Variants in PKD1L1 observed in about 807,000 individuals in gnomAD.
The protein encoded by PKD1L1 is polycystin 1 like 1, transient receptor potential channel interacting, also known as polycystin-1-like protein 1.
In PKD1L1, 236 loss-of-function variants were observed where a neutral mutation model predicts 323.4. That is an observed-to-expected ratio of 0.73 (90% CI 0.66 to 0.81). The LOEUF (loss-of-function observed/expected upper bound fraction) is 0.81. Among genes scored for constraint, PKD1L1 ranks in the 40% least tolerant of loss-of-function variants. PKD1L1 has a pLI of 0.00. For missense variants in PKD1L1, 3,320 were observed against 3,508.0 expected, an observed-to-expected ratio of 0.95 and a Z score of 1.35; for synonymous variants, 1,344 against 1,335.0, an observed-to-expected ratio of 1.01 and a Z score of -0.15.
intron 24 of PKD1L1, among the ~76,000 whole-genome samples, chr7:47,873,685 GTAGCTTTA>G (rs1347565824): frequency 6.9e-6 from 1 of 145,206 alleles, no homozygotes; most frequent in Admixed American, 6.9e-5. Flanking sequence ...GGAGAAGAAA[GTAGCTTTA>G]TAGGCTCTGA....
chr7:47,836,901 G>A lies in PKD1L1; in HGVS notation c.5943+20C>T, dbSNP rs142548237. On this transcript the variant is annotated intron_variant, in intron 37 of 56. Coordinates refer to ENST00000289672, the MANE Select transcript of PKD1L1 (RefSeq NM_138295.5). ...TAGTCGGATCTGGAAGCTGCTATAA[G>A]GAAAAGCGATGGCTCTCACCTGCTC... 230 of 1,609,096 alleles carry A rather than the reference G, an allele frequency of 1.4e-4. 2 individuals carry two copies. The East Asian group carries it at 4.6e-3, about 32-fold the overall frequency.
intron 33 of PKD1L1, among the ~76,000 whole-genome samples, chr7:47,843,417 T>C (rs1787441929): frequency 6.6e-6 from 1 of 152,188 alleles, no homozygotes; most frequent in Non-Finnish European, 1.5e-5. Context: ...CCAGCCTCTG[T>C]GCTAGGTGGC....
intron 48 of PKD1L1, 38 bp from the exon 49 acceptor site, chr7:47,813,331 A>C: frequency 6.2e-7 from 1 of 1,609,450 alleles, no homozygotes; most frequent in Non-Finnish European, 8.5e-7. Flanking sequence ...CACAGATACT[A>C]TTCCCAAGGC....
At chr7:47,777,176 G>A (rs1307243728) in intron 56 of PKD1L1, among the ~76,000 whole-genome samples, 1 of 152,208 alleles carries the variant, frequency 6.6e-6, no homozygotes, top group Non-Finnish European at 1.5e-5. Context: ...ACAGGCGCGA[G>A]CCACCACACC....
chr7:47,941,986 A>T (rs1020186826), intron 2 of PKD1L1, among the ~76,000 whole-genome samples: 2 of 152,204 alleles, frequency 1.3e-5, no homozygotes, highest in Non-Finnish European at 2.9e-5. Flanking sequence ...TTGAATAAAC[A>T]TGGAAACTGA....
intron 53 of PKD1L1, among the ~76,000 whole-genome samples, chr7:47,801,152 T>C (rs1784653338): frequency 6.6e-6 from 1 of 151,150 alleles, no homozygotes; most frequent in African/African-American, 2.4e-5. Flanking sequence ...CCCTCTCCTC[T>C]CCTCAGCTGC....
At chr7:47,811,060 C>A (rs1427066731) in intron 50 of PKD1L1, among the ~76,000 whole-genome samples, 1 of 152,136 alleles carries the variant, frequency 6.6e-6, no homozygotes, top group African/African-American at 2.4e-5. Context: ...AGGCGGCCAT[C>A]TCCCAGGACT....
intron 5 of PKD1L1, 56 bp downstream of exon 5, chr7:47,931,880 C>T: frequency 6.4e-7 from 1 of 1,574,012 alleles, no homozygotes; most frequent in Non-Finnish European, 8.6e-7. Flanking sequence ...CCATATGCAT[C>T]AGATGCTCAC....
chr7:47,880,902 G>C, intron 20 of PKD1L1, 97 bp from the exon 21 acceptor site: 2 of 887,024 alleles, frequency 2.3e-6, no homozygotes, highest in South Asian at 1.8e-5. Flanking sequence ...TCTTCCCCCA[G>C]GGGTGAAATT....
intron 26 of PKD1L1, among the ~76,000 whole-genome samples, chr7:47,862,847 T>C (rs1290998008): frequency 2.6e-5 from 4 of 152,104 alleles, no homozygotes; most frequent in Admixed American, 2.0e-4. Flanking sequence ...GTGCATAAGA[T>C]GTTTAGCTTC....
intron 31 of PKD1L1, among the ~76,000 whole-genome samples, chr7:47,849,227 A>G (rs957162476): frequency 6.6e-6 from 1 of 152,244 alleles, no homozygotes. Flanking sequence ...TAAATCTAAG[A>G]CTTGAAGCTG....
chr7:47,932,598 T>G (rs908703519), intron 4 of PKD1L1, among the ~76,000 whole-genome samples: 1 of 152,124 alleles, frequency 6.6e-6, no homozygotes, highest in Non-Finnish European at 1.5e-5. Flanking sequence ...CATAGGACCC[T>G]GTTTTCAGCT....
chr7:47,811,913 G>T lies in PKD1L1; in HGVS notation c.7485C>A (p.Ile2495=). Residue 2495 remains isoleucine, a synonymous_variant, in exon 50 of 57, where the codon ATC becomes ATA. Transcript: ENST00000289672. The part of the protein sequence containing the change: ...LFTSVSLRVE[I]LPTGSLVPSS... ...AGGGGACGAGACTCCCCGTAGGGAGGATCTCCACTCTCAGGGACACGCTGG... is the reference window on the plus strand; with the variant it reads ...AGGGGACGAGACTCCCCGTAGGGAGTATCTCCACTCTCAGGGACACGCTGG... 6.2e-7 allele frequency: 1 copy of T among 1,610,122 alleles called. No individual in the cohort carries two copies. The highest frequency in any genetic ancestry group is 8.5e-7 in the Non-Finnish European group (1 of 1,178,434).
In PKD1L1 at chr7:47,877,183, G is replaced by A. The variant is rs75960599; in HGVS notation, c.3663+306C>T. On this transcript the variant is annotated intron_variant, in intron 22 of 56. Coordinates refer to ENST00000289672, the MANE Select transcript of PKD1L1 (RefSeq NM_138295.5). ...GGGTCACGTGCCTGCCTTTTTCTTGGGGGCAGCATTAACGGAGGCCCCTGT... is the reference window on the plus strand; with the variant it reads ...GGGTCACGTGCCTGCCTTTTTCTTGAGGGCAGCATTAACGGAGGCCCCTGT... 3.1e-4 allele frequency among the ~76,000 whole-genome samples: 47 copies of A among 152,200 alleles called. No homozygotes were observed. The East Asian group carries it at 8.3e-3, about 27-fold the overall frequency.
In PKD1L1 at chr7:47,863,550, G is replaced by A. The variant is rs72601616; in HGVS notation, c.4149+1666C>T. Among the ~76,000 whole-genome samples, 14 of 152,014 alleles carry A rather than the reference G, an allele frequency of 9.2e-5. No individual in the cohort carries two copies. In the East Asian group the frequency reaches 1.9e-3, roughly 21 times the overall value. On this transcript the variant is annotated intron_variant, in intron 26 of 56. Coordinates refer to ENST00000289672, the MANE Select transcript of PKD1L1 (RefSeq NM_138295.5). ...ACAAGGCCAACCAAGAAATCATGTC[G>A]TGAAGCCTAGAGAAGAGCGTGTCCC...
At chr7:47,807,115 C>G (rs1454345133) in intron 52 of PKD1L1, among the ~76,000 whole-genome samples, 1 of 152,118 alleles carries the variant, frequency 6.6e-6, no homozygotes, top group Non-Finnish European at 1.5e-5. Context: ...CTGTGAGTGA[C>G]AGTTGCTTTG....
intron 56 of PKD1L1, among the ~76,000 whole-genome samples, chr7:47,783,042 G>A (rs1562928056): frequency 6.6e-6 from 1 of 152,146 alleles, no homozygotes; most frequent in Non-Finnish European, 1.5e-5. Context: ...TACCTGAGGA[G>A]GAGGCAACAG....
At position 47,908,252 on chromosome 7, in the gene PKD1L1, T is replaced by C. The variant is rs1387916101; in HGVS notation, c.1229-2A>G. 4.3e-6 allele frequency: 7 copies of C among 1,609,996 alleles called. No homozygotes were observed. In the Admixed American group the frequency reaches 6.7e-5, roughly 16 times the overall value. On this transcript the variant is annotated splice_acceptor_variant, in intron 8 of 56. Coordinates refer to ENST00000289672, the MANE Select transcript of PKD1L1 (RefSeq NM_138295.5). LOFTEE classifies it high-confidence loss of function. ...CAGCCTTGAGCATATAGACTCCTTC[T>C]GGAAAAATAAGAATGAACGGACACT...
At chr7:47,920,947 T>A (rs569711274) in intron 7 of PKD1L1, among the ~76,000 whole-genome samples, 2 of 152,246 alleles carry the variant, frequency 1.3e-5, no homozygotes, top group Admixed American at 6.5e-5. Flanking sequence ...TTCTAGAAGA[T>A]AACATTGGAA....
Sources: allele counts gnomAD v4.1 joint callset (sites outside exome capture counted in the v4.1 genomes callset), GRCh38; gene constraint gnomAD v4.1.1; transcripts MANE v1.5; gene names NCBI Gene and HGNC (gene_info 2026-07-23, HGNC 2026-07-21).